The following C4orf51 variants were observed in gnomAD, a reference collection of about 807,000 sequenced individuals.
The protein encoded by C4orf51 is chromosome 4 open reading frame 51, also known as uncharacterized protein C4orf51.
Under a neutral mutation model 25.2 loss-of-function variants are expected in C4orf51, and 25 were observed. That is an observed-to-expected ratio of 0.99 (90% confidence interval 0.72 to 1.39). The LOEUF is 1.39. Among genes scored for constraint, C4orf51 ranks in the 40% most tolerant of loss-of-function variants. C4orf51 has a pLI of 0.00. For synonymous variants in C4orf51, 100 were observed against 84.5 expected (o/e 1.18, Z -1.01); for missense variants, 252 against 239.6 (o/e 1.05, Z -0.34).
the C4orf51 span, among the ~76,000 whole-genome samples, chr4:145,786,467 G>GT: frequency 4.7e-4 from 72 of 152,328 alleles, no homozygotes; most frequent in African/African-American, 1.7e-3. Flanking sequence ...GGCCGCTTGG[G>GT]TTTTCCATTG....
intron 1 of C4orf51, among the ~76,000 whole-genome samples, 180 bp downstream of exon 1, chr4:145,680,616 C>T (rs950757709): frequency 6.6e-5 from 10 of 152,090 alleles, no homozygotes; most frequent in Non-Finnish European, 1.2e-4. Flanking sequence ...AATTATGATC[C>T]TATTCTCTAT....
intron 2 of C4orf51, among the ~76,000 whole-genome samples, chr4:145,702,613 G>T (rs186146089): frequency 5.9e-5 from 9 of 151,764 alleles, no homozygotes; most frequent in Non-Finnish European, 1.0e-4. Flanking sequence ...AGCTGATATC[G>T]CCTGGTGCTA....
At chr4:145,721,446 G>A (rs566102446) in intron 2 of C4orf51, among the ~76,000 whole-genome samples, 8 of 151,998 alleles carry the variant, frequency 5.3e-5, no homozygotes, top group African/African-American at 1.7e-4. Context: ...AAACATGACA[G>A]CTACGCTGTG....
chr4:145,770,681 T>C (rs1736144976), intron 1 of C4orf51, among the ~76,000 whole-genome samples: 1 of 152,318 alleles, frequency 6.6e-6, no homozygotes, highest in East Asian at 1.9e-4. Context: ...AAAAAATTCT[T>C]GAAAATATTT....
At chr4:145,693,001 G>T (rs1307201115) in intron 1 of C4orf51, among the ~76,000 whole-genome samples, 4 of 120,392 alleles carry the variant, frequency 3.3e-5, no homozygotes, top group Admixed American at 1.7e-4. Context: ...CAGGTGAAAT[G>T]AACAATTTTT....
intron 1 of C4orf51, among the ~76,000 whole-genome samples, chr4:145,738,800 C>T (rs562946044): frequency 5.3e-5 from 8 of 152,008 alleles, no homozygotes; most frequent in African/African-American, 1.2e-4. Context: ...CCACAACGCC[C>T]GACTAATTTT....
At chr4:145,688,200 T>TAAAA (rs554716520) in intron 1 of C4orf51, among the ~76,000 whole-genome samples, 5 of 98,810 alleles carry the variant, frequency 5.1e-5, no homozygotes, top group African/African-American at 7.7e-5. Context: ...GATCCTACCT[T>TAAAA]AAAAAAAAAA....
intron 2 of C4orf51, among the ~76,000 whole-genome samples, chr4:145,698,268 A>T (rs2126695515): frequency 6.6e-6 from 1 of 152,336 alleles, no homozygotes; most frequent in Admixed American, 6.5e-5. Flanking sequence ...TGAAGGACAC[A>T]TCTGTGAACA....
chr4:145,756,751 G>T (rs964158793), downstream of C4orf51, among the ~76,000 whole-genome samples: 3 of 152,064 alleles, frequency 2.0e-5, no homozygotes, highest in Non-Finnish European at 2.9e-5. Context: ...TCAAATTAAC[G>T]TATTTGACTC....
chr4:145,724,622 C>T (rs1178724296), intron 2 of C4orf51, among the ~76,000 whole-genome samples: 1 of 152,034 alleles, frequency 6.6e-6, no homozygotes, highest in Non-Finnish European at 1.5e-5. Context: ...TGGCTCATGC[C>T]TGTAATCCCA....
intron 1 of C4orf51, chr4:145,760,844 T>C: frequency 8.3e-7 from 1 of 1,207,716 alleles, no homozygotes; most frequent in Non-Finnish European, 1.1e-6. Flanking sequence ...GGTGAGGGGA[T>C]GCTGGGAGGC....
chr4:145,713,565 A>G (rs186800359), intron 2 of C4orf51, among the ~76,000 whole-genome samples: 1 of 152,320 alleles, frequency 6.6e-6, no homozygotes, highest in Admixed American at 6.5e-5. Flanking sequence ...TACAACTTTA[A>G]TAGGTGAGGA....
At chr4:145,771,634 G>A (rs751521738), downstream of C4orf51, among the ~76,000 whole-genome samples, 2 of 152,158 alleles carry the variant, frequency 1.3e-5, no homozygotes, top group Non-Finnish European at 2.9e-5. Flanking sequence ...ATCACTAAGC[G>A]GAAATGCCTA....
At chr4:145,734,394 A>T (rs538684886), downstream of C4orf51, among the ~76,000 whole-genome samples, 1 of 145,826 alleles carries the variant, frequency 6.9e-6, no homozygotes, top group African/African-American at 2.5e-5. Flanking sequence ...TGAGTACAGT[A>T]CTGCGGCCTA....
At chr4:145,736,941 C>G (rs969130609), downstream of C4orf51, among the ~76,000 whole-genome samples, 60 of 152,302 alleles carry the variant, frequency 3.9e-4, no homozygotes, top group African/African-American at 1.3e-3. Context: ...CTGCCACACC[C>G]TGGCGGCGAG....
the C4orf51 span, among the ~76,000 whole-genome samples, chr4:145,776,768 T>C: frequency 6.6e-6 from 1 of 152,066 alleles, no homozygotes; most frequent in Non-Finnish European, 1.5e-5. Context: ...AAAAAACTAA[T>C]GAAATTAAGG....
intron 1 of C4orf51, among the ~76,000 whole-genome samples, chr4:145,768,109 A>G (rs1397469329): frequency 6.6e-6 from 1 of 152,232 alleles, no homozygotes; most frequent in Non-Finnish European, 1.5e-5. Context: ...TGAGGTTCTT[A>G]TACAACATAT....
the C4orf51 span, among the ~76,000 whole-genome samples, chr4:145,780,778 A>C: frequency 6.6e-6 from 1 of 152,250 alleles, no homozygotes; most frequent in East Asian, 1.9e-4. Flanking sequence ...ACACTAAGTT[A>C]ATATCTTGTC....
chr4:145,688,663 T>C (rs1343071354), intron 1 of C4orf51, among the ~76,000 whole-genome samples: 1 of 152,214 alleles, frequency 6.6e-6, no homozygotes, highest in Non-Finnish European at 1.5e-5. Context: ...GTGAGTCAAT[T>C]AAACCTCTTT....
Sources: gnomAD v4.1 joint callset for allele counts (sites outside exome capture counted in the v4.1 genomes callset) on GRCh38, gnomAD v4.1.1 for gene constraint, MANE v1.5 for transcripts, NCBI Gene and HGNC (gene_info 2026-07-23, HGNC 2026-07-21) for gene names.